DGAT1: variants seen among roughly 807,000 people sequenced by gnomAD.
The protein encoded by DGAT1 is ACAT related gene product 1.
DGAT1 carries 60 observed loss-of-function variants against 72.6 expected under a neutral mutation model. The ratio of observed to expected loss-of-function variants is 0.83; its 90% CI spans 0.67 to 1.02. DGAT1 has a LOEUF of 1.02. Among genes scored for constraint, DGAT1 ranks in the 50% least tolerant of loss-of-function variants. The pLI is 0.00. For missense variants in DGAT1, 592 were observed against 670.0 expected (o/e 0.88, Z 1.29); for synonymous variants, 290 against 267.5 (o/e 1.08, Z -0.82).
intron 1 of DGAT1, among the ~76,000 whole-genome samples, chr8:144,322,472 C>T (rs1286248740): frequency 3.3e-5 from 5 of 152,188 alleles, no homozygotes; most frequent in African/African-American, 9.7e-5. Context: ...ATGGCAGGAG[C>T]CCCATGAGGC....
At position 144,314,912 on chromosome 8, in the gene DGAT1, G is replaced by A. The variant is rs1056022564; in HGVS notation, c.*1642C>T. Reference sequence around the variant, plus strand: ...TGCAGTTCTTTATTGAGGGACCAGGGGTGGGCGCCTCACCTTGGCCCTGGG... The same window carrying A: ...TGCAGTTCTTTATTGAGGGACCAGGAGTGGGCGCCTCACCTTGGCCCTGGG... On this transcript the variant is annotated 3_prime_UTR_variant, in exon 17 of 17. Coordinates refer to ENST00000528718, the MANE Select transcript of DGAT1 (RefSeq NM_012079.6). 1.0e-6 allele frequency: 1 copy of A among 986,584 alleles called. No individual in the cohort carries two copies. The highest frequency in any genetic ancestry group is 1.2e-6 in the Non-Finnish European group (1 of 830,720). 61.1% of individuals were successfully genotyped at this position (986,584 alleles called of 1,614,324 possible). A position where few individuals can be genotyped will look rare whatever the true frequency, so the allele number is the denominator to read the frequency against.
chr8:144,315,374 C>G lies in DGAT1; in HGVS notation c.*1180G>C, dbSNP rs544146143. The G allele has an allele frequency of 3.0e-6, 3 of 985,478 alleles. No individual in the cohort carries two copies. The highest frequency in any genetic ancestry group is 2.3e-4 in the East Asian group (2 of 8,816). 61.0% of individuals were successfully genotyped at this position (985,478 alleles called of 1,614,324 possible). A position where few individuals can be genotyped will look rare whatever the true frequency, so the allele number is the denominator to read the frequency against. ...GAGGATACCACCAAGGGAGCCCACC[C>G]TCCCCTCACACCACCAGTTCAGCAG... On this transcript the variant is annotated 3_prime_UTR_variant, in exon 17 of 17. Transcript: ENST00000528718.
intron 2 of DGAT1, among the ~76,000 whole-genome samples, chr8:144,320,379 C>T (rs573630485): frequency 1.6e-3 from 244 of 152,336 alleles, no homozygotes; most frequent in Non-Finnish European, 2.8e-3. Context: ...GCCTGGCCAG[C>T]TTCTCAGCCA....
chr8:144,326,374 G>A, intron 1 of DGAT1, 63 bp downstream of exon 1: 1 of 1,335,350 alleles, frequency 7.5e-7, no homozygotes. Flanking sequence ...CTCGCGCTTC[G>A]GCCAACCCCG....
intron 1 of DGAT1, among the ~76,000 whole-genome samples, 169 bp from the exon 2 acceptor site, chr8:144,321,577 C>A (rs1442382908): frequency 5.9e-5 from 9 of 152,206 alleles, no homozygotes; most frequent in Non-Finnish European, 1.2e-4. Context: ...TCAAGACCTA[C>A]AGTGGGCAAA....
Position 144,326,769 on chromosome 8 carries a change from C to G in DGAT1, c.-133G>C, listed in dbSNP as rs1048810076. 2 of 750,132 alleles carry G rather than the reference C, an allele frequency of 2.7e-6. No individual in the cohort carries two copies. 46.5% of individuals were successfully genotyped at this position (750,132 alleles called of 1,614,324 possible). A position where few individuals can be genotyped will look rare whatever the true frequency, so the allele number is the denominator to read the frequency against. ...CTGCCGGCCGCCGTAGCCCGGGTGA[C>G]CGCCTCACCAGCGCGTTCAACCCGC... On this transcript the variant is annotated 5_prime_UTR_variant, in exon 1 of 17. Coordinates refer to ENST00000528718, the MANE Select transcript of DGAT1 (RefSeq NM_012079.6).
intron 2 of DGAT1, among the ~76,000 whole-genome samples, chr8:144,319,864 A>G (rs1554847917): frequency 6.6e-6 from 1 of 152,134 alleles, no homozygotes; most frequent in Admixed American, 6.5e-5. Context: ...GACCACCCGG[A>G]GCTCGGGCCT....
intron 1 of DGAT1, among the ~76,000 whole-genome samples, chr8:144,322,024 G>T (rs925019418): frequency 2.0e-5 from 3 of 152,232 alleles, no homozygotes; most frequent in African/African-American, 7.2e-5. Flanking sequence ...TGTTTGTGAT[G>T]TGTGCCCAGG....
At chr8:144,325,893 G>A (rs145995308) in intron 1 of DGAT1, among the ~76,000 whole-genome samples, 3 of 152,236 alleles carry the variant, frequency 2.0e-5, no homozygotes, top group African/African-American at 7.2e-5. Flanking sequence ...CTCTCAGAAG[G>A]GTCTGCAAGG....
chr8:144,317,534 C>T lies in DGAT1; in HGVS notation c.981+10G>A, dbSNP rs1554847326. ...CCTGTCCTGTGCATGCGCCACCTGT[C>T]CGCACTCACCGCCAGCTTCAGGAGG... On this transcript the variant is annotated intron_variant, in intron 12 of 16. Transcript: ENST00000528718. The T allele has an allele frequency of 6.2e-7, 1 of 1,613,862 alleles. No homozygotes were observed. Among genetic ancestry groups the T allele is most frequent in the Admixed American group, 1.7e-5 (1 of 60,022 alleles).
chr8:144,319,525 C>T (rs1037999403), intron 2 of DGAT1, among the ~76,000 whole-genome samples: 2 of 152,222 alleles, frequency 1.3e-5, no homozygotes, highest in African/African-American at 4.8e-5. Context: ...GGAACCAGTC[C>T]CTACTGGTGG....
chr8:144,316,462 G>A lies in DGAT1; in HGVS notation c.*92C>T, dbSNP rs1430551765. ...ACCAGAGGAGGATGCTGTGCAGCCA[G>A]GCCCATCCCCAGCACTCGAGGCCTA... On this transcript the variant is annotated 3_prime_UTR_variant, in exon 17 of 17. Coordinates refer to ENST00000528718, the MANE Select transcript of DGAT1 (RefSeq NM_012079.6). The A allele has an allele frequency of 7.0e-7, 1 of 1,435,764 alleles. No individual in the cohort carries two copies. The highest frequency in any genetic ancestry group is 9.3e-7 in the Non-Finnish European group (1 of 1,074,188). 88.9% of individuals were successfully genotyped at this position (1,435,764 alleles called of 1,614,324 possible). A position where few individuals can be genotyped will look rare whatever the true frequency, so the allele number is the denominator to read the frequency against.
At chr8:144,325,829 G>C (rs908605889) in intron 1 of DGAT1, among the ~76,000 whole-genome samples, 3 of 152,142 alleles carry the variant, frequency 2.0e-5, no homozygotes, top group African/African-American at 7.2e-5. Flanking sequence ...TGGCAACATC[G>C]GCAGGGCTCC....
Position 144,317,937 on chromosome 8 carries a change from G to T in DGAT1, c.832C>A (p.Leu278Met). The T allele has an allele frequency of 6.6e-7, 1 of 1,520,530 alleles. No individual in the cohort carries two copies. The highest frequency in any genetic ancestry group is 2.2e-5 in the Admixed American group (1 of 44,618). 94.2% of individuals were successfully genotyped at this position (1,520,530 alleles called of 1,614,324 possible). ...PRSPRIRKRF[L>M]LRRILEMLFF... ...ACCATCTCAAGGATCCGTCGCAGCA[G>T]AAAGCGCTTCCGGATGCGGGGAGAG... Residue 278 changes from leucine (L) to methionine (M), a missense_variant, in exon 9 of 17, where the codon CTG becomes ATG. Coordinates refer to ENST00000528718, the MANE Select transcript of DGAT1 (RefSeq NM_012079.6).
chr8:144,315,769 C>G lies in DGAT1; in HGVS notation c.*785G>C, dbSNP rs376914328. On this transcript the variant is annotated 3_prime_UTR_variant, in exon 17 of 17. Transcript: ENST00000528718. Reference sequence around the variant, plus strand: ...CCTCGTGGAGGGCAGCTGAGAGCCACCAGCCCACCTGGCTGCCCAGGTTCC... The same window carrying G: ...CCTCGTGGAGGGCAGCTGAGAGCCAGCAGCCCACCTGGCTGCCCAGGTTCC... The G allele has an allele frequency of 3.2e-6, 3 of 937,114 alleles. No homozygotes were observed. Among genetic ancestry groups the G allele is most frequent in the South Asian group, 9.8e-5 (2 of 20,316 alleles). The allele number at this position is 937,114 out of a possible 1,614,324, so 58.0% of individuals were successfully genotyped here.
intron 12 of DGAT1, 22 bp from the exon 13 acceptor site, chr8:144,317,467 GCA>G: frequency 6.2e-7 from 1 of 1,613,514 alleles, no homozygotes; most frequent in Non-Finnish European, 8.5e-7. Context: ...GTGGGGGTGG[GCA>G]CCAAGTTCTA....
At chr8:144,319,157 C>A in intron 2 of DGAT1, 89 bp from the exon 3 acceptor site, 2 of 1,474,782 alleles carry the variant, frequency 1.4e-6, no homozygotes, top group Admixed American at 3.9e-5. Flanking sequence ...TGGGCACGTC[C>A]CAGCCCGAGC....
chr8:144,324,281 G>A (rs1817538772), intron 1 of DGAT1, among the ~76,000 whole-genome samples: 1 of 151,948 alleles, frequency 6.6e-6, no homozygotes, highest in East Asian at 1.9e-4. Context: ...AGCGGGAGAG[G>A]AAAGGCTGGG....
In DGAT1 at chr8:144,315,675, T is replaced by C. The variant is rs1817180656; in HGVS notation, c.*879A>G. 1.0e-6 allele frequency: 1 copy of C among 957,250 alleles called. No homozygotes were observed. The highest frequency in any genetic ancestry group is 1.8e-5 in the African/African-American group (1 of 56,620). 59.3% of individuals were successfully genotyped at this position (957,250 alleles called of 1,614,324 possible). On this transcript the variant is annotated 3_prime_UTR_variant, in exon 17 of 17. Transcript: ENST00000528718. ...TCCTGAAGGCTGCAGGGCTGCGCTG[T>C]CTGCACTGCCCAGCCTGGTGCCAGA...
Sources: gnomAD v4.1 joint callset for allele counts (sites outside exome capture counted in the v4.1 genomes callset) on GRCh38, gnomAD v4.1.1 for gene constraint, MANE v1.5 for transcripts, NCBI Gene and HGNC (gene_info 2026-07-23, HGNC 2026-07-21) for gene names.